C2orf81: variants seen among roughly 807,000 people sequenced by gnomAD.
The protein encoded by C2orf81 is chromosome 2 open reading frame 81, also known as uncharacterized protein C2orf81.
A neutral mutation model predicts 7.9 loss-of-function variants in C2orf81; 5 were observed. The observed-to-expected ratio is 0.63, with a 90% CI of 0.33 to 1.33. The LOEUF (loss-of-function observed/expected upper bound fraction) is 1.33, where lower values mean the gene tolerates loss of function less well. C2orf81 is among the 40% of genes most tolerant of loss of function. The probability of loss-of-function intolerance (pLI) is 0.05; values close to 1 mark genes in which losing one functional copy is unlikely to be tolerated. For synonymous variants in C2orf81, 346 were observed against 367.4 expected (o/e 0.94, Z 0.66); for missense variants, 781 against 830.4 (o/e 0.94, Z 0.73).
chr2:74,417,329 G>A (rs1676494007), intron 1 of C2orf81: 1 of 1,298,620 alleles, frequency 7.7e-7, no homozygotes, highest in Non-Finnish European at 1.0e-6. Flanking sequence ...GTAGGGTTGG[G>A]GGAGCAGCCC....
Position 74,414,708 on chromosome 2 carries a change from G to C in C2orf81, c.1469C>G (p.Ala490Gly). 1 of 1,544,578 alleles carries C rather than the reference G, an allele frequency of 6.5e-7. No individual in the cohort carries two copies. The highest frequency in any genetic ancestry group is 2.5e-5 in the East Asian group (1 of 40,762). ...CCACAGCTTGGGGCTGCGGCTGCGG[G>C]CCACATCAGGGAGCACCGGGTGTGT... ...LTTHPVLPDVARSRSPKLWPS... is the reference protein window; with the variant it reads ...LTTHPVLPDVGRSRSPKLWPS... Residue 490 changes from alanine (A) to glycine (G), a missense_variant, in exon 3 of 3, where the codon GCC becomes GGC. Coordinates refer to ENST00000684111, the MANE Select transcript of C2orf81 (RefSeq NM_001316764.3). The surrounding 1 kb of genome is among the most constrained non-coding windows in gnomAD (Gnocchi z 5.3).
chr2:74,421,471 C>T (rs536642160), intron 1 of C2orf81, 72 bp downstream of exon 1: 34 of 331,762 alleles, frequency 1.0e-4, no homozygotes, highest in Non-Finnish European at 1.2e-4. Context: ...CCAGAGCCAG[C>T]CCACTGTTCC....
intron 1 of C2orf81, chr2:74,418,347 C>G: frequency 6.2e-7 from 1 of 1,603,074 alleles, no homozygotes; most frequent in East Asian, 2.2e-5. Context: ...TCACCGGAGG[C>G]TGCTTGCGCG....
At chr2:74,420,769 CTTCTTTTTTTT>C (rs1200225642) in intron 1 of C2orf81, among the ~76,000 whole-genome samples, 1 of 118,718 alleles carries the variant, frequency 8.4e-6, no homozygotes, top group Non-Finnish European at 1.6e-5. Context: ...CTTTCTTCTT[CTTCTTTTTTTT>C]TTTTTTTTTT....
chr2:74,416,385 C>A (rs1240507117), intron 1 of C2orf81, 144 bp from the exon 2 acceptor site: 4 of 416,342 alleles, frequency 9.6e-6, no homozygotes, highest in East Asian at 7.3e-5. Context: ...GTGACAGATA[C>A]TTAGTAGATG....
intron 1 of C2orf81, among the ~76,000 whole-genome samples, chr2:74,419,941 T>C (rs911599340): frequency 6.6e-6 from 1 of 152,144 alleles, no homozygotes; most frequent in African/African-American, 2.4e-5. Flanking sequence ...CTGGCTAATT[T>C]TTTTTCTATT....
At chr2:74,417,435 G>A (rs1220356542) in intron 1 of C2orf81, 1 of 1,310,906 alleles carries the variant, frequency 7.6e-7, no homozygotes, top group Admixed American at 2.3e-5. Context: ...CAGATCCCAG[G>A]CAGACGGTAA....
chr2:74,419,917 G>A (rs913454663), intron 1 of C2orf81, among the ~76,000 whole-genome samples: 30 of 152,102 alleles, frequency 2.0e-4, no homozygotes, highest in African/African-American at 6.5e-4. Flanking sequence ...GATTACAGGC[G>A]CCTGCCACCA....
rs1558526714 is a variant in C2orf81 at position 74,414,613 on chromosome 2, T to TCCGGCCAGCCCACAGC, written c.1548_1563dup (p.Thr522AlafsTer35). The TCCGGCCAGCCCACAGC allele has an allele frequency of 6.5e-7, 1 of 1,549,680 alleles. No individual in the cohort carries two copies. The highest frequency in any genetic ancestry group is 1.2e-5 in the South Asian group (1 of 83,842). On this transcript the variant is annotated frameshift_variant, in exon 3 of 3. Coordinates refer to ENST00000684111, the MANE Select transcript of C2orf81 (RefSeq NM_001316764.3). LOFTEE classifies it low-confidence loss of function (END_TRUNC). This position sits in a 1 kb window ranked among gnomAD's most constrained non-coding sequence, Gnocchi z 5.3. ...TCCAGACCCTGTGGAGGCACGCGGG[T>TCCGGCCAGCCCACAGC]CCGGCCAGCCCACAGCTCGCCCAGC...
Position 74,415,214 on chromosome 2 carries a change from T to A in C2orf81, c.963A>T (p.Ser321=). 1 of 1,550,626 alleles carries A rather than the reference T, an allele frequency of 6.4e-7. No homozygotes were observed. Among genetic ancestry groups the A allele is most frequent in the Non-Finnish European group, 8.7e-7 (1 of 1,146,852 alleles). The change falls in exon 3 of 3, where the codon TCA becomes TCT. Residue 321 remains serine (S), a synonymous_variant. Coordinates refer to ENST00000684111, the MANE Select transcript of C2orf81 (RefSeq NM_001316764.3). This position sits in a 1 kb window ranked among gnomAD's most constrained non-coding sequence, Gnocchi z 5.5. ...CCGAGGCGATGCAGGGCACCCCCTC[T>A]GACCTGAGTTCCAGCCGATCCCCAG... ...DAAGDRLELR[S]EGVPCIASGV... is the part of the protein sequence containing the mutation.
chr2:74,419,803 G>A (rs770241581), intron 1 of C2orf81, among the ~76,000 whole-genome samples: 4 of 152,030 alleles, frequency 2.6e-5, no homozygotes, highest in Admixed American at 6.6e-5. Context: ...ACGGAATCTC[G>A]CTCTGTCACC....
rs1676450811 is a variant in C2orf81 at position 74,415,857 on chromosome 2, C to T, written c.320G>A (p.Arg107Gln). 6.4e-7 allele frequency: 1 copy of T among 1,551,510 alleles called. No individual in the cohort carries two copies. The highest frequency in any genetic ancestry group is 8.7e-7 in the Non-Finnish European group (1 of 1,146,928). The stretch of plus-strand genomic sequence containing the variant: ...AGCTACTGCAGATTCTCCCTCGTCC[C>T]GGGCCAGGAAGCGCCACTCGGTGAT... Reference protein sequence around the residue: ...LQITEWRFLARDEGESAVAED... With the variant: ...LQITEWRFLAQDEGESAVAED... Residue 107 changes from arginine (R) to glutamine (Q), a missense_variant, in exon 3 of 3, where the codon CGG (arginine) becomes CAG (glutamine). Coordinates refer to ENST00000684111, the MANE Select transcript of C2orf81 (RefSeq NM_001316764.3). This position sits in a 1 kb window ranked among gnomAD's most constrained non-coding sequence, Gnocchi z 5.5.
rs1676427351 is a variant in C2orf81, at chr2:74,415,434, C to A, written c.743G>T (p.Arg248Ile). 3 of 1,534,738 alleles carry A rather than the reference C, an allele frequency of 2.0e-6. No individual in the cohort carries two copies. The South Asian group carries it at 3.6e-5, about 18-fold the overall frequency. The change falls in exon 3 of 3, where the codon AGA becomes ATA. Residue 248 changes from arginine (R) to isoleucine (I), a missense_variant. By Grantham distance (97) the Arg-to-Ile change is moderately conservative (BLOSUM62 -3). Transcript: ENST00000684111. The surrounding 1 kb of genome is among the most constrained non-coding windows in gnomAD (Gnocchi z 5.5). Reference sequence around the variant, plus strand: ...CAAGGACCCGGCCGAGGAGAGGCCTCTAGACTGGCCGTCCGCTTCCTCTAC... The same window carrying A: ...CAAGGACCCGGCCGAGGAGAGGCCTATAGACTGGCCGTCCGCTTCCTCTAC... ...GPVEEADGQS[R>I]GLSSAGSLSA... is the part of the protein sequence containing the mutation.
Position 74,414,250 on chromosome 2 carries a change from AG to A in C2orf81, c.*78del. On this transcript the variant is annotated 3_prime_UTR_variant, in exon 3 of 3. Transcript: ENST00000684111. This position sits in a 1 kb window ranked among gnomAD's most constrained non-coding sequence, Gnocchi z 5.3. ...GACCAGTTACTACTGCCAGAGGCTCAGGGATCAGAGGGAGGCAGCAGGCTTA... is the reference window on the plus strand; with the variant it reads ...GACCAGTTACTACTGCCAGAGGCTCAGGATCAGAGGGAGGCAGCAGGCTTA... 1 of 1,341,616 alleles carries A rather than the reference AG, an allele frequency of 7.5e-7. No homozygotes were observed. The highest frequency in any genetic ancestry group is 9.7e-7 in the Non-Finnish European group (1 of 1,030,618). 83.1% of individuals were successfully genotyped at this position (1,341,616 alleles called of 1,614,324 possible). A position where few individuals can be genotyped will look rare whatever the true frequency, so the allele number is the denominator to read the frequency against.
chr2:74,417,380 A>C (rs1676495039), intron 1 of C2orf81: 1 of 1,308,476 alleles, frequency 7.6e-7, no homozygotes, highest in Non-Finnish European at 1.0e-6. Context: ...CATGGGCCTC[A>C]CCTGGACAAT....
intron 1 of C2orf81, chr2:74,418,145 G>T: frequency 1.1e-6 from 1 of 915,134 alleles, no homozygotes; most frequent in Non-Finnish European, 1.8e-6. Context: ...GAGGACTCCT[G>T]CGAGATGCCC....
In C2orf81 at chr2:74,415,287, T is replaced by C. The variant is rs1251792481; in HGVS notation, c.890A>G (p.His297Arg). 9.7e-6 allele frequency: 15 copies of C among 1,551,254 alleles called. No homozygotes were observed. The highest frequency in any genetic ancestry group is 1.7e-4 in the Middle Eastern group (1 of 5,992). Reference sequence around the variant, plus strand: ...ACAGTAGAGGTCTTCCAACGACAAATGGAAGCCGAGGGGGTGTCCCCTCCC... The same window carrying C: ...ACAGTAGAGGTCTTCCAACGACAAACGGAAGCCGAGGGGGTGTCCCCTCCC... ...STGRGHPLGF[H>R]LSLEDLYCCM... The change falls in exon 3 of 3, where the codon CAT becomes CGT. Residue 297 changes from histidine (H) to arginine (R), a missense_variant. Coordinates refer to ENST00000684111, the MANE Select transcript of C2orf81 (RefSeq NM_001316764.3). The surrounding 1 kb of genome is among the most constrained non-coding windows in gnomAD (Gnocchi z 5.5).
chr2:74,415,981 C>T lies in C2orf81; in HGVS notation c.249+30G>A, dbSNP rs538180496. On this transcript the variant is annotated intron_variant, in intron 2 of 2. Coordinates refer to ENST00000684111, the MANE Select transcript of C2orf81 (RefSeq NM_001316764.3). This position sits in a 1 kb window ranked among gnomAD's most constrained non-coding sequence, Gnocchi z 5.5. ...GGCAGGGAGGGGCGGGAGAGGGAGA[C>T]GAGTCTGAAGGACCCGGATCCCGGC... 2.9e-5 allele frequency: 45 copies of T among 1,547,994 alleles called. No individual in the cohort carries two copies. In the African/African-American group the frequency reaches 4.9e-4, roughly 17 times the overall value.
rs1378073121 is a variant in C2orf81 at position 74,415,977 on chromosome 2, G to C, written c.249+34C>G. The C allele has an allele frequency of 1.3e-6, 2 of 1,548,056 alleles. No homozygotes were observed. Among genetic ancestry groups the C allele is most frequent in the East Asian group, 2.4e-5 (1 of 40,846 alleles). ...GGTCGGCAGGGAGGGGCGGGAGAGG[G>C]AGACGAGTCTGAAGGACCCGGATCC... On this transcript the variant is annotated intron_variant, in intron 2 of 2. Coordinates refer to ENST00000684111, the MANE Select transcript of C2orf81 (RefSeq NM_001316764.3). The surrounding 1 kb of genome is among the most constrained non-coding windows in gnomAD (Gnocchi z 5.5).
Sources: gnomAD v4.1 joint callset for allele counts (sites outside exome capture counted in the v4.1 genomes callset) on GRCh38, gnomAD v4.1.1 for gene constraint, Gnocchi (gnomAD v3.1) non-coding constraint, MANE v1.5 for transcripts, NCBI Gene and HGNC (gene_info 2026-07-23, HGNC 2026-07-21) for gene names.